The following DOCK1 variants were observed in gnomAD, a reference collection of about 807,000 sequenced individuals.
DOCK1 encodes the protein dedicator of cytokinesis 1.
DOCK1 carries 138 observed loss-of-function variants against 262.7 expected under a neutral mutation model. The ratio of observed to expected loss-of-function variants is 0.53; its 90% CI spans 0.46 to 0.61. DOCK1 has a LOEUF of 0.61. DOCK1 is among the 20% of genes least tolerant of loss of function. The pLI is 0.00. For synonymous variants in DOCK1, 866 were observed against 867.4 expected (o/e 1.00, Z 0.03); for missense variants, 1,908 against 2,370.7 (o/e 0.80, Z 4.05).
chr10:127,030,168 T>C lies in DOCK1; in HGVS notation c.1625-1482T>C, dbSNP rs542206827. Among the ~76,000 whole-genome samples the C allele has an allele frequency of 3.3e-5, 5 of 152,074 alleles. No individual in the cohort carries two copies. The South Asian group carries it at 1.0e-3, about 32-fold the overall frequency. ...TTTTGAGCCGTGGACTCAAGGCGGG[T>C]GGATGTGTCATTCTCCCTCTCTGAT... On this transcript the variant is annotated intron_variant, in intron 16 of 51. Transcript: ENST00000623213.
intron 23 of DOCK1, among the ~76,000 whole-genome samples, chr10:127,063,405 A>T (rs1469777615): frequency 1.2e-4 from 18 of 151,970 alleles, no homozygotes; most frequent in Admixed American, 1.2e-3. Context: ...GTCGGAGCCT[A>T]CCTTTCATCT....
intron 2 of DOCK1, among the ~76,000 whole-genome samples, chr10:126,971,139 C>T (rs192669479): frequency 9.3e-4 from 141 of 152,002 alleles, no homozygotes; most frequent in Non-Finnish European, 2.8e-4. Flanking sequence ...CAACCTCTGC[C>T]TCCCAGGTAC....
intron 27 of DOCK1, among the ~76,000 whole-genome samples, chr10:127,200,349 G>T (rs1431837964): frequency 6.6e-6 from 1 of 152,220 alleles, no homozygotes; most frequent in Non-Finnish European, 1.5e-5. Context: ...GCTCTGCTAC[G>T]AGGGTTTGTG....
intron 45 of DOCK1, among the ~76,000 whole-genome samples, chr10:127,419,276 C>T (rs1273595169): frequency 6.6e-6 from 1 of 152,200 alleles, no homozygotes; most frequent in Non-Finnish European, 1.5e-5. Context: ...GATTACCCAC[C>T]CTTGCACAAA....
intron 29 of DOCK1, among the ~76,000 whole-genome samples, chr10:127,290,184 T>C (rs916249055): frequency 1.3e-5 from 2 of 152,204 alleles, no homozygotes; most frequent in African/African-American, 4.8e-5. Flanking sequence ...TGGTTTCTGG[T>C]ATGCCTGGAT....
chr10:127,148,141 C>CT (rs1491337883), intron 27 of DOCK1, among the ~76,000 whole-genome samples: 1 of 152,164 alleles, frequency 6.6e-6, no homozygotes, highest in Non-Finnish European at 1.5e-5. Context: ...CAAGCTCCCC[C>CT]TCTCTGATGT....
At chr10:127,225,482 C>G (rs564323240) in intron 27 of DOCK1, among the ~76,000 whole-genome samples, 97 of 152,290 alleles carry the variant, frequency 6.4e-4, no homozygotes, top group African/African-American at 2.2e-3. Context: ...GTAATGGAAC[C>G]CCTCCTTTTC....
chr10:127,185,412 G>A (rs555479401), intron 27 of DOCK1, among the ~76,000 whole-genome samples: 1 of 152,290 alleles, frequency 6.6e-6, no homozygotes, highest in Admixed American at 6.5e-5. Context: ...TGTAATCCCA[G>A]CTACTTGGGA....
intron 1 of DOCK1, among the ~76,000 whole-genome samples, chr10:126,950,770 A>G (rs1262728094): frequency 6.6e-6 from 1 of 152,088 alleles, no homozygotes; most frequent in Admixed American, 6.6e-5. Context: ...TCATAGGGTT[A>G]ATATGGGATG....
At chr10:127,060,758 C>T (rs1335808704) in intron 22 of DOCK1, among the ~76,000 whole-genome samples, 3 of 152,152 alleles carry the variant, frequency 2.0e-5, no homozygotes, top group Non-Finnish European at 4.4e-5. Flanking sequence ...GAATATGTCC[C>T]ACCTCTTGAA....
At chr10:127,218,348 T>C (rs1322129972) in intron 27 of DOCK1, among the ~76,000 whole-genome samples, 1 of 152,240 alleles carries the variant, frequency 6.6e-6, no homozygotes, top group Non-Finnish European at 1.5e-5. Context: ...ATAAAACTTT[T>C]GAACTTCAAG....
chr10:126,985,206 C>T (rs1413311538), intron 4 of DOCK1, among the ~76,000 whole-genome samples: 1 of 152,038 alleles, frequency 6.6e-6, no homozygotes, highest in Non-Finnish European at 1.5e-5. Flanking sequence ...GCTTTGAACC[C>T]CTGACCTCAC....
rs77541471 is a variant in DOCK1, at chr10:127,286,122, A to G, written c.3044+28693A>G. ...CGGATAACTCCATGTGTAGGCCTGA[A>G]TCGTGTTCATTTCCAGGAAAAGTAA... On this transcript the variant is annotated intron_variant, in intron 29 of 51. Transcript: ENST00000623213. Among the ~76,000 whole-genome samples the G allele has an allele frequency of 8.6e-3, 1,308 of 152,122 alleles. 36 individuals carry two copies. In the East Asian group the frequency reaches 0.11, roughly 12 times the overall value.
intron 38 of DOCK1, among the ~76,000 whole-genome samples, chr10:127,396,323 A>G (rs2066841407): frequency 1.3e-5 from 2 of 152,128 alleles, no homozygotes; most frequent in African/African-American, 4.8e-5. Context: ...GGATCCCCCT[A>G]TCCCAGGACA....
At chr10:127,114,699 T>A (rs1337880968) in intron 25 of DOCK1, among the ~76,000 whole-genome samples, 1 of 151,940 alleles carries the variant, frequency 6.6e-6, no homozygotes, top group Non-Finnish European at 1.5e-5. Context: ...GAGTAATGCA[T>A]GCCAGTGTAC....
intron 4 of DOCK1, among the ~76,000 whole-genome samples, chr10:126,986,306 G>A (rs1371026644): frequency 6.7e-6 from 1 of 149,202 alleles, no homozygotes; most frequent in Admixed American, 6.9e-5. Context: ...GTCATCACAG[G>A]CCTGATCTCC....
intron 27 of DOCK1, among the ~76,000 whole-genome samples, chr10:127,225,838 G>A (rs771416665): frequency 4.6e-5 from 7 of 152,140 alleles, no homozygotes; most frequent in Non-Finnish European, 7.4e-5. Context: ...CTTCACTTTG[G>A]GAGGCCGAGG....
At chr10:127,032,821 T>C (rs2043333458) in intron 18 of DOCK1, among the ~76,000 whole-genome samples, 1 of 152,204 alleles carries the variant, frequency 6.6e-6, no homozygotes, top group African/African-American at 2.4e-5. Context: ...TCTCCCAGAG[T>C]GCTGGGATTA....
intron 1 of DOCK1, among the ~76,000 whole-genome samples, chr10:126,960,426 C>T (rs909229611): frequency 5.4e-4 from 82 of 151,290 alleles, no homozygotes; most frequent in African/African-American, 1.7e-3. Context: ...AGTGAGCAGT[C>T]GCCTGGCGGT....
Sources: gnomAD v4.1 joint callset for allele counts (sites outside exome capture counted in the v4.1 genomes callset) on GRCh38, gnomAD v4.1.1 for gene constraint, MANE v1.5 for transcripts, NCBI Gene and HGNC (gene_info 2026-07-23, HGNC 2026-07-21) for gene names.